Variants in UBR4 observed in about 807,000 individuals in gnomAD.
UBR4 encodes E3 ubiquitin-protein ligase UBR4.
UBR4 carries 124 observed loss-of-function variants against 575.6 expected under a neutral mutation model. That is an observed-to-expected ratio of 0.22 (90% CI 0.19 to 0.25). UBR4 has a LOEUF of 0.25. Ranked by LOEUF, UBR4 falls within the 10% of genes least tolerant of loss-of-function variation. UBR4 has a pLI of 1.00. For synonymous variants in UBR4, 2,455 were observed against 2,473.7 expected, an observed-to-expected ratio of 0.99 and a Z score of 0.22; for missense variants, 4,818 against 6,478.8, an observed-to-expected ratio of 0.74 and a Z score of 8.80.
rs888248253 is a variant in UBR4 at position 19,143,962 on chromosome 1, A to G, written c.8179+18T>C. ...CTCCCAAATACAGGCTTGAGCCTAA[A>G]CCCAGACCTCATATTACCCATTGGA... On this transcript the variant is annotated intron_variant, in intron 55 of 105. Coordinates refer to ENST00000375254, the MANE Select transcript of UBR4 (RefSeq NM_020765.3). 5 of 1,610,112 alleles carry G rather than the reference A, an allele frequency of 3.1e-6. No individual in the cohort carries two copies. The highest frequency in any genetic ancestry group is 4.2e-6 in the Non-Finnish European group (5 of 1,176,724).
At chr1:19,185,994 A>G (rs530123738) in intron 14 of UBR4, among the ~76,000 whole-genome samples, 2 of 152,216 alleles carry the variant, frequency 1.3e-5, no homozygotes, top group Non-Finnish European at 2.9e-5. Flanking sequence ...ACAGGACGGT[A>G]AGAATCACAC....
In UBR4 at chr1:19,198,200, T is replaced by C. The variant is rs989566935; in HGVS notation, c.649-151A>G. 4.6e-4 allele frequency: 369 copies of C among 810,944 alleles called. 1 individual carries two copies. The highest frequency in any genetic ancestry group is 1.8e-3 in the Middle Eastern group (5 of 2,740). 50.2% of individuals were successfully genotyped at this position (810,944 alleles called of 1,614,324 possible). A position where few individuals can be genotyped will look rare whatever the true frequency, so the allele number is the denominator to read the frequency against. On this transcript the variant is annotated intron_variant, in intron 5 of 105. Transcript: ENST00000375254. Reference sequence around the variant, plus strand: ...CATGTTGGAGAAAATACAGGTTACATTTTCAGGAGGAGGGAAAAAATATAC... The same window carrying C: ...CATGTTGGAGAAAATACAGGTTACACTTTCAGGAGGAGGGAAAAAATATAC...
chr1:19,197,256 T>C lies in UBR4; in HGVS notation c.903A>G (p.Ser301=). The C allele has an allele frequency of 1.2e-6, 2 of 1,614,170 alleles. No individual in the cohort carries two copies. Among genetic ancestry groups the C allele is most frequent in the African/African-American group, 1.3e-5 (1 of 75,042 alleles). ...DATAVRNGFH[S]LVIDVTMALD... Reference sequence around the variant, plus strand: ...ATGCCATAGTTACATCAATCACCAATGAATGAAAGCTGGAACATGACAGAG... The same window carrying C: ...ATGCCATAGTTACATCAATCACCAACGAATGAAAGCTGGAACATGACAGAG... The change falls in exon 8 of 106, where the codon TCA becomes TCG. Residue 301 remains serine (S), a synonymous_variant. Transcript: ENST00000375254.
At chr1:19,077,085 C>A (rs2076019476) in intron 104 of UBR4, among the ~76,000 whole-genome samples, 183 bp from the exon 105 acceptor site, 1 of 152,196 alleles carries the variant, frequency 6.6e-6, no homozygotes, top group African/African-American at 2.4e-5. Context: ...TCACTTCATT[C>A]CTCTTAGGCC....
intron 90 of UBR4, among the ~76,000 whole-genome samples, chr1:19,098,759 A>C (rs551358619): frequency 8.9e-4 from 136 of 152,360 alleles, no homozygotes; most frequent in African/African-American, 2.4e-3. Flanking sequence ...AAATCTACAA[A>C]TAGTATACTG....
chr1:19,149,614 G>A, intron 49 of UBR4: 1 of 632,872 alleles, frequency 1.6e-6, no homozygotes, highest in Non-Finnish European at 2.4e-6. Context: ...TTTACACATG[G>A]ACAGCTCTGT....
chr1:19,137,340 T>A (rs1307303506), intron 60 of UBR4, among the ~76,000 whole-genome samples: 1 of 151,968 alleles, frequency 6.6e-6, no homozygotes, highest in Admixed American at 6.6e-5. Flanking sequence ...TTTACACTAA[T>A]GTAACAACTG....
rs777336927 is a variant in UBR4, at chr1:19,117,386, T to C, written c.10658A>G (p.Asp3553Gly). Residue 3553 changes from aspartate to glycine, a missense_variant, in exon 73 of 106, where the codon GAC (aspartate) becomes GGC (glycine). Asp to Gly is a moderately conservative substitution (Grantham distance 94). Around this residue, in one of 29 missense-constraint regions of UBR4, gnomAD observed 550 missense variants for 791.5 expected, o/e 0.69. Coordinates refer to ENST00000375254, the MANE Select transcript of UBR4 (RefSeq NM_020765.3). This position sits in a 1 kb window ranked among gnomAD's most constrained non-coding sequence, Gnocchi z 4.0. The part of the protein sequence containing the change: ...CYIKLSSIKV[D>G]TRYTTTQQVV... ...CTGCTGGGTGGTGGTGTACCGCGTG[T>C]CCACTTTAATGGAAGACAGCTTGAT... The C allele has an allele frequency of 6.2e-7, 1 of 1,614,186 alleles. No homozygotes were observed. Among genetic ancestry groups the C allele is most frequent in the South Asian group, 1.1e-5 (1 of 91,076 alleles).
intron 60 of UBR4, among the ~76,000 whole-genome samples, chr1:19,129,553 A>G (rs1210885624): frequency 6.6e-6 from 1 of 152,216 alleles, no homozygotes; most frequent in East Asian, 1.9e-4. Flanking sequence ...AAATTCTTAT[A>G]AAGTCCAGTC....
intron 36 of UBR4, 45 bp from the exon 37 acceptor site, chr1:19,161,781 A>G (rs1229975328): frequency 3.1e-6 from 5 of 1,613,924 alleles, no homozygotes; most frequent in Admixed American, 3.3e-5. Flanking sequence ...AGTCCCAACA[A>G]TCGGTGCCCA....
intron 48 of UBR4, 122 bp downstream of exon 48, chr1:19,151,521 T>C (rs775517904): frequency 3.1e-5 from 34 of 1,086,690 alleles, no homozygotes; most frequent in South Asian, 4.0e-5. Flanking sequence ...AGTTTCCTGA[T>C]GAAAGGACAG....
In UBR4 at chr1:19,127,268, CCA is replaced by C. The variant is rs199724312; in HGVS notation, c.9228+353_9228+354del. On this transcript the variant is annotated intron_variant, in intron 63 of 105. Transcript: ENST00000375254. ...TCTGCTTTATGCTAATCTCCTTTCACCACACACACATTGCTTTCTCTCTGCTT... is the reference window on the plus strand; with the variant it reads ...TCTGCTTTATGCTAATCTCCTTTCACCACACACATTGCTTTCTCTCTGCTT... 3.9e-3 allele frequency among the ~76,000 whole-genome samples: 596 copies of C among 152,328 alleles called. 4 individuals carry two copies. Among genetic ancestry groups the C allele is most frequent in the Middle Eastern group, 0.014 (4 of 294 alleles).
In UBR4 at chr1:19,167,138, G is replaced by A. The variant is rs2088635877; in HGVS notation, c.3993C>T (p.Ser1331=). 6.2e-7 allele frequency: 1 copy of A among 1,614,092 alleles called. No homozygotes were observed. The highest frequency in any genetic ancestry group is 1.1e-5 in the South Asian group (1 of 91,096). The change falls in exon 29 of 106, where the codon AGC becomes AGT. Residue 1331 remains serine, a synonymous_variant. Transcript: ENST00000375254. ...SSTESVAEIS[S]NSLERILGPA... is the part of the protein sequence containing the mutation. ...GGCCCAAGATGCGTTCCAGGGAGTT[G>A]CTACTGATCTCGGCAACACTCTCAG...
At chr1:19,081,922 G>A in intron 102 of UBR4, 2 of 602,444 alleles carry the variant, frequency 3.3e-6, no homozygotes, top group Non-Finnish European at 6.0e-6. Context: ...AACTCCAGAG[G>A]CCCAGAAAAG....
chr1:19,163,123 GCATCAAAGA>G (rs2087673664), intron 34 of UBR4, among the ~76,000 whole-genome samples: 1 of 152,136 alleles, frequency 6.6e-6, no homozygotes, highest in African/African-American at 2.4e-5. Context: ...CAATTAATTG[GCATCAAAGA>G]CTCAGATTTC....
chr1:19,182,670 C>G (rs953123774), intron 17 of UBR4, among the ~76,000 whole-genome samples: 2 of 152,114 alleles, frequency 1.3e-5, no homozygotes, highest in African/African-American at 4.8e-5. Context: ...TGCGTGTAAG[C>G]GAAGTGGTAT....
rs1289822396 is a variant in UBR4, at chr1:19,119,572, T to C, written c.10440A>G (p.Pro3480=). ...CAACTGTTACCTTCTTCTCTGTTTGTGGAGTTTTCAGGGAGAAATATCCTA... is the reference window on the plus strand; with the variant it reads ...CAACTGTTACCTTCTTCTCTGTTTGCGGAGTTTTCAGGGAGAAATATCCTA... The part of the protein sequence containing the change: ...DLLGYFSLKT[P]QTEKKLKEYS... Residue 3480 remains proline (P), a synonymous_variant, in exon 70 of 106, where the codon CCA becomes CCG. Transcript: ENST00000375254. 6.2e-7 allele frequency: 1 copy of C among 1,613,548 alleles called. No individual in the cohort carries two copies. The highest frequency in any genetic ancestry group is 1.1e-5 in the South Asian group (1 of 91,076).
rs150950421 is a variant in UBR4 at position 19,112,642 on chromosome 1, C to T, written c.11683G>A (p.Ala3895Thr). Residue 3895 changes from alanine to threonine, a missense_variant, in exon 78 of 106, where the codon GCC becomes ACC. Transcript: ENST00000375254. ...TLLRALATNP[A>T]LRHILVSQGL... ...TGGGAGACAAGGATGTGCCTCAAGG[C>T]TGGGTTGGTGGCCAGGGCCCGAAGT... is the stretch of plus-strand genomic sequence containing the variant. 4.3e-5 allele frequency: 70 copies of T among 1,614,144 alleles called. No homozygotes were observed. Among genetic ancestry groups the T allele is most frequent in the Non-Finnish European group, 5.8e-5 (68 of 1,180,054 alleles).
At chr1:19,159,506 T>C (rs927308703) in intron 39 of UBR4, among the ~76,000 whole-genome samples, 2 of 151,986 alleles carry the variant, frequency 1.3e-5, no homozygotes, top group Non-Finnish European at 2.9e-5. Context: ...CAAAATGGAG[T>C]TCCCCACCTC....
Sources: gnomAD v4.1 joint callset for allele counts (sites outside exome capture counted in the v4.1 genomes callset) on GRCh38, gnomAD v4.1.1 for gene constraint, gnomAD v4.1.1 regional missense constraint, Gnocchi (gnomAD v3.1) non-coding constraint, MANE v1.5 for transcripts, NCBI Gene and HGNC (gene_info 2026-07-23, HGNC 2026-07-21) for gene names.